The following BOK variants were observed in gnomAD, a reference collection of about 807,000 sequenced individuals.
The protein encoded by BOK is bcl-2-related ovarian killer protein.
Under a neutral mutation model 18.3 loss-of-function variants are expected in BOK, and 20 were observed. That is an observed-to-expected ratio of 1.09 (90% CI 0.77 to 1.59). BOK has a LOEUF of 1.59. Ranked by LOEUF, BOK falls within the 40% of genes most tolerant of loss-of-function variation. The pLI is 0.00. For missense variants in BOK, 348 were observed against 307.9 expected (o/e 1.13, Z -0.97); for synonymous variants, 173 against 142.4 (o/e 1.21, Z -1.53).
chr2:241,559,698 G>A lies in BOK; in HGVS notation c.215G>A (p.Arg72His). 2 of 1,319,122 alleles carry A rather than the reference G, an allele frequency of 1.5e-6. No homozygotes were observed. Among genetic ancestry groups the A allele is most frequent in the South Asian group, 2.1e-5 (1 of 46,960 alleles). The allele number at this position is 1,319,122 out of a possible 1,614,324, so 81.7% of individuals were successfully genotyped here. A position where few individuals can be genotyped will look rare whatever the true frequency, so the allele number is the denominator to read the frequency against. The change falls in exon 2 of 5, where the codon CGC (arginine) becomes CAC (histidine). Residue 72 changes from arginine to histidine, a missense_variant. Physicochemically the swap from Arg to His is conservative, Grantham distance 29 (BLOSUM62 0). Transcript: ENST00000318407. ...RLAEVCAVLL[R>H]LGDELEMIRP... Reference sequence around the variant, plus strand: ...GCTGAGGTGTGCGCGGTGCTGCTGCGCCTGGGTGAGTGCGCCCTGGTGGGA... The same window carrying A: ...GCTGAGGTGTGCGCGGTGCTGCTGCACCTGGGTGAGTGCGCCCTGGTGGGA...
chr2:241,557,685 A>G (rs1272487319), upstream of BOK, among the ~76,000 whole-genome samples: 3 of 152,118 alleles, frequency 2.0e-5, no homozygotes, highest in African/African-American at 4.8e-5. Flanking sequence ...ACAGCATTTG[A>G]TATGTCTTAT....
rs1028763454 is a variant in BOK at position 241,562,291 on chromosome 2, C to T, written c.221-57C>T. 11 of 1,541,414 alleles carry T rather than the reference C, an allele frequency of 7.1e-6. No homozygotes were observed. Among genetic ancestry groups the T allele is most frequent in the African/African-American group, 2.7e-5 (2 of 73,462 alleles). ...GGTGCAGGGTGTGCCCCAAGCCAGT[C>T]GTGTCCCAGGAAGCTGGGACGTGGG... On this transcript the variant is annotated intron_variant, in intron 2 of 4. Coordinates refer to ENST00000318407, the MANE Select transcript of BOK (RefSeq NM_032515.5). The surrounding 1 kb of genome is among the most constrained non-coding windows in gnomAD (Gnocchi z 4.5).
intron 2 of BOK, chr2:241,560,288 C>T (rs2066507503): frequency 6.1e-6 from 6 of 984,424 alleles, no homozygotes; most frequent in Non-Finnish European, 7.2e-6. Flanking sequence ...AGGGAGGGAC[C>T]AGCCCCACTG....
intron 2 of BOK, chr2:241,560,058 T>G (rs918804678): frequency 4.1e-6 from 4 of 985,132 alleles, no homozygotes; most frequent in Non-Finnish European, 4.8e-6. Context: ...CCGATGTTTA[T>G]TTTGGAAAAC....
In BOK at chr2:241,567,128, C is replaced by G. The variant is rs1242106699; in HGVS notation, c.350-2997C>G. 1.5e-5 allele frequency among the ~76,000 whole-genome samples: 2 copies of G among 130,702 alleles called. 1 individual carries two copies. Among genetic ancestry groups the G allele is most frequent in the African/African-American group, 6.1e-5 (2 of 32,818 alleles). 85.7% of individuals were successfully genotyped at this position (130,702 alleles called of 152,430 possible). A position where few individuals can be genotyped will look rare whatever the true frequency, so the allele number is the denominator to read the frequency against. On this transcript the variant is annotated intron_variant, in intron 3 of 4. Transcript: ENST00000318407. Reference sequence around the variant, plus strand: ...CTGGAGTGGAAATGTTGCCATCACTCGGAACATAGTATGTTCTTTTTTTTT... The same window carrying G: ...CTGGAGTGGAAATGTTGCCATCACTGGGAACATAGTATGTTCTTTTTTTTT...
chr2:241,556,196 A>G (rs1360459381), upstream of BOK, among the ~76,000 whole-genome samples: 4 of 152,258 alleles, frequency 2.6e-5, no homozygotes, highest in East Asian at 5.8e-4. Context: ...TAAAGAGTTC[A>G]TTAAAATGCA....
Position 241,562,362 on chromosome 2 carries a change from A to G in BOK, c.235A>G (p.Met79Val), listed in dbSNP as rs758501848. ...TGACCACACAGGCGATGAGCTGGAG[A>G]TGATCCGGCCCAGCGTCTACCGCAA... ...VLLRLGDELE[M>V]IRPSVYRNVA... The change falls in exon 3 of 5, where the codon ATG (methionine) becomes GTG (valine). Residue 79 changes from methionine to valine, a missense_variant. Coordinates refer to ENST00000318407, the MANE Select transcript of BOK (RefSeq NM_032515.5). This position sits in a 1 kb window ranked among gnomAD's most constrained non-coding sequence, Gnocchi z 4.5. 4 of 1,606,760 alleles carry G rather than the reference A, an allele frequency of 2.5e-6. No homozygotes were observed. The highest frequency in any genetic ancestry group is 1.1e-5 in the South Asian group (1 of 90,254).
At chr2:241,553,717 C>T (rs1353149505) in intron 1 of BOK, among the ~76,000 whole-genome samples, 1 of 152,196 alleles carries the variant, frequency 6.6e-6, no homozygotes, top group Non-Finnish European at 1.5e-5. Flanking sequence ...CCACCAGGCC[C>T]CTCCCCCAAC....
intron 1 of BOK, among the ~76,000 whole-genome samples, chr2:241,552,437 G>A (rs1574990627): frequency 1.3e-5 from 2 of 152,208 alleles, no homozygotes; most frequent in Admixed American, 1.3e-4. Context: ...CACCCTGTCC[G>A]GCCCACTCAT....
chr2:241,567,880 ACT>A (rs2066640159), intron 3 of BOK, among the ~76,000 whole-genome samples: 2 of 77,700 alleles, frequency 2.6e-5, no homozygotes, highest in African/African-American at 5.9e-5. Flanking sequence ...GCCACCAGCT[ACT>A]AGTCTCAGGA....
intron 1 of BOK, among the ~76,000 whole-genome samples, chr2:241,552,211 G>A (rs1279487525): frequency 6.6e-6 from 1 of 152,164 alleles, no homozygotes; most frequent in African/African-American, 2.4e-5. Flanking sequence ...TGCAGCCTGG[G>A]TCACCCCATG....
At chr2:241,561,377 A>G (rs1258913150) in intron 2 of BOK, among the ~76,000 whole-genome samples, 3 of 152,240 alleles carry the variant, frequency 2.0e-5, no homozygotes, top group African/African-American at 7.2e-5. Context: ...CTCCAAGCAC[A>G]TCCCCTTGGC....
At chr2:241,554,975 G>A (rs934197325), upstream of BOK, among the ~76,000 whole-genome samples, 2 of 152,174 alleles carry the variant, frequency 1.3e-5, no homozygotes, top group Admixed American at 6.5e-5. Flanking sequence ...GAGTTCTGCA[G>A]AGACAGAAAA....
At chr2:241,558,476 G>A (rs1027650402), upstream of BOK, among the ~76,000 whole-genome samples, 3 of 152,244 alleles carry the variant, frequency 2.0e-5, no homozygotes, top group Non-Finnish European at 4.4e-5. Context: ...TCCGGACCAA[G>A]AACACGTCTC....
rs564369881 is a variant in BOK, at chr2:241,572,531, C to T, written c.*109C>T. On this transcript the variant is annotated 3_prime_UTR_variant, in exon 5 of 5. Coordinates refer to ENST00000318407, the MANE Select transcript of BOK (RefSeq NM_032515.5). ...CCCACCCGAGCCTGGAGCACTCTAACCCTCGGAGACCCCCTAAGCCCCGTT... is the reference window on the plus strand; with the variant it reads ...CCCACCCGAGCCTGGAGCACTCTAATCCTCGGAGACCCCCTAAGCCCCGTT... The T allele has an allele frequency of 1.6e-4, 237 of 1,452,882 alleles. No homozygotes were observed. In the African/African-American group the frequency reaches 2.9e-3, roughly 18 times the overall value. The allele number at this position is 1,452,882 out of a possible 1,614,324, so 90.0% of individuals were successfully genotyped here.
chr2:241,561,202 C>T (rs2066522219), intron 2 of BOK, among the ~76,000 whole-genome samples: 1 of 152,370 alleles, frequency 6.6e-6, no homozygotes, highest in South Asian at 2.1e-4. Context: ...GGCTGGAGAA[C>T]TGGCCGGGCT....
upstream of BOK, among the ~76,000 whole-genome samples, chr2:241,558,077 A>ACACACACACT (rs1238082159): frequency 2.0e-5 from 3 of 151,378 alleles, no homozygotes; most frequent in East Asian, 3.9e-4. Flanking sequence ...ACACACACAC[A>ACACACACACT]CTCTTCAGCT....
chr2:241,572,567 C>T lies in BOK; in HGVS notation c.*145C>T. 7.8e-7 allele frequency: 1 copy of T among 1,283,400 alleles called. No homozygotes were observed. Among genetic ancestry groups the T allele is most frequent in the Non-Finnish European group, 1.1e-6 (1 of 949,496 alleles). The allele number at this position is 1,283,400 out of a possible 1,614,324, so 79.5% of individuals were successfully genotyped here. ...CCCCTAAGCCCCGTTCCTCCGCAGA[C>T]CCAGGCCCTCCGGAAGGGGTGAGTG... is the stretch of plus-strand genomic sequence containing the variant. On this transcript the variant is annotated 3_prime_UTR_variant, in exon 5 of 5. Transcript: ENST00000318407.
At position 241,568,372 on chromosome 2, in the gene BOK, G is replaced by A. The variant is rs559056337; in HGVS notation, c.350-1753G>A. On this transcript the variant is annotated intron_variant, in intron 3 of 4. Coordinates refer to ENST00000318407, the MANE Select transcript of BOK (RefSeq NM_032515.5). ...CCTGACCTCGTGATCCACCTGCCTC[G>A]GCCTCCCAAAATGCTGGGATTACAG... Among the ~76,000 whole-genome samples, 11 of 151,888 alleles carry A rather than the reference G, an allele frequency of 7.2e-5. No homozygotes were observed. The East Asian group carries it at 7.8e-4, about 11-fold the overall frequency.
Sources: allele counts gnomAD v4.1 joint callset (sites outside exome capture counted in the v4.1 genomes callset), GRCh38; gene constraint gnomAD v4.1.1; non-coding constraint Gnocchi (gnomAD v3.1); transcripts MANE v1.5; gene names NCBI Gene and HGNC (gene_info 2026-07-23, HGNC 2026-07-21).